The following SFI1 variants were observed in gnomAD, a reference collection of about 807,000 sequenced individuals.
The protein encoded by SFI1 is SFI1 centrin binding protein.
SFI1 carries 195 observed loss-of-function variants against 207.5 expected under a neutral mutation model. That is an observed-to-expected ratio of 0.94 (90% CI 0.84 to 1.06). SFI1 has a LOEUF of 1.06. SFI1 is among the 50% of genes least tolerant of loss of function. The pLI, the probability that SFI1 is intolerant of heterozygous loss-of-function variation, is 0.00. For synonymous variants in SFI1, 630 were observed against 598.9 expected (o/e 1.05, Z -0.76); for missense variants, 1,634 against 1,588.0 (o/e 1.03, Z -0.49).
chr22:31,614,505 C>T, intron 27 of SFI1: 2 of 625,866 alleles, frequency 3.2e-6, no homozygotes, highest in South Asian at 3.0e-5. Flanking sequence ...TCAGAGGCTG[C>T]TCCCCTGTGA....
In SFI1 at chr22:31,508,226, CTCTCTTTTTTAT is replaced by C. The variant is rs2054942947; in HGVS notation, c.-30-19_-30-8del. On this transcript the variant is annotated splice_polypyrimidine_tract_variant and intron_variant, in intron 1 of 32. Transcript: ENST00000400288. ...CTCCTGAGAGGCTGCAAATCATTTT[CTCTCTTTTTTAT>C]TCTCTTTTTCTTGTAGTTAGAAGGG... The C allele has an allele frequency of 7.6e-7, 1 of 1,323,844 alleles. No individual in the cohort carries two copies. Among genetic ancestry groups the C allele is most frequent in the Non-Finnish European group, 1.1e-6 (1 of 917,156 alleles). The allele number at this position is 1,323,844 out of a possible 1,614,324, so 82.0% of individuals were successfully genotyped here. A position where few individuals can be genotyped will look rare whatever the true frequency, so the allele number is the denominator to read the frequency against.
intron 17 of SFI1, 96 bp downstream of exon 17, chr22:31,602,881 T>A: frequency 7.5e-7 from 1 of 1,339,892 alleles, no homozygotes; most frequent in Non-Finnish European, 1.0e-6. Flanking sequence ...TCTGGAGGAC[T>A]GCATTACCCC....
At chr22:31,570,385 A>G (rs1201423121) in intron 8 of SFI1, among the ~76,000 whole-genome samples, 1 of 152,212 alleles carries the variant, frequency 6.6e-6, no homozygotes, top group Non-Finnish European at 1.5e-5. Flanking sequence ...ATTTACTGAA[A>G]TAGGAAAGAC....
At position 31,589,512 on chromosome 22, in the gene SFI1, G is replaced by T. The variant is rs200928606; in HGVS notation, c.1479G>T (p.Trp493Cys). The change falls in exon 15 of 33, where the codon TGG (tryptophan) becomes TGT (cysteine). Residue 493 changes from tryptophan to cysteine, a missense_variant. Physicochemically the swap from Trp to Cys is radical, Grantham distance 215. Coordinates refer to ENST00000400288, the MANE Select transcript of SFI1 (RefSeq NM_001007467.3). ...CCCTGCCTGCTGCCTTCCACACATG[G>T]AACAGACTCTGGCGATGGCGCCACC... Reference protein sequence around the residue: ...QRALPAAFHTWNRLWRWRHQE... With the variant: ...QRALPAAFHTCNRLWRWRHQE... 9.0e-5 allele frequency: 145 copies of T among 1,614,068 alleles called. No individual in the cohort carries two copies. Among genetic ancestry groups the T allele is most frequent in the Non-Finnish European group, 1.1e-4 (132 of 1,180,024 alleles).
chr22:31,537,685 A>T (rs1308168317), intron 4 of SFI1, among the ~76,000 whole-genome samples: 1 of 152,216 alleles, frequency 6.6e-6, no homozygotes, highest in African/African-American at 2.4e-5. Context: ...CTAAGCAGCT[A>T]CCAGAATTAG....
At chr22:31,542,438 G>A (rs985889109) in intron 4 of SFI1, among the ~76,000 whole-genome samples, 2 of 151,620 alleles carry the variant, frequency 1.3e-5, no homozygotes, top group Non-Finnish European at 2.9e-5. Flanking sequence ...GCCCAGCCTG[G>A]CCAACATGGT....
At chr22:31,532,445 G>A (rs2147435025) in intron 4 of SFI1, among the ~76,000 whole-genome samples, 1 of 152,284 alleles carries the variant, frequency 6.6e-6, no homozygotes, top group African/African-American at 2.4e-5. Context: ...CCAGTGCGAG[G>A]TATGTTTCCA....
At chr22:31,523,105 C>T (rs914553984) in intron 2 of SFI1, among the ~76,000 whole-genome samples, 3 of 152,262 alleles carry the variant, frequency 2.0e-5, no homozygotes, top group African/African-American at 7.2e-5. Context: ...TTTCTGTGGA[C>T]ATATGCTGTA....
At chr22:31,561,228 C>T in intron 7 of SFI1, 62 bp from the exon 8 acceptor site, 2 of 1,454,958 alleles carry the variant, frequency 1.4e-6, no homozygotes, top group South Asian at 1.2e-5. Context: ...ACACTAACTG[C>T]TCCTCTCTTT....
At position 31,582,202 on chromosome 22, in the gene SFI1, CATTTTATATATATA is replaced by C. The variant is rs1268419245; in HGVS notation, c.1249-1672_1249-1659del. On this transcript the variant is annotated intron_variant, in intron 12 of 32. Transcript: ENST00000400288. ...TTCCCCCAACAACACTTCTTTATTA[CATTTTATATATATA>C]TATATATATATATATATATATTTTT... Among the ~76,000 whole-genome samples the C allele has an allele frequency of 1.9e-3, 80 of 42,460 alleles. 4 individuals carry two copies. Among genetic ancestry groups the C allele is most frequent in the East Asian group, 3.1e-3 (3 of 962 alleles). The allele number at this position is 42,460 out of a possible 152,430, so 27.9% of individuals were successfully genotyped here.
At chr22:31,597,455 G>A (rs1367882170) in intron 15 of SFI1, among the ~76,000 whole-genome samples, 3 of 152,164 alleles carry the variant, frequency 2.0e-5, no homozygotes, top group Admixed American at 2.0e-4. Flanking sequence ...TTAGAAGCTG[G>A]ACAAGCCTGA....
At chr22:31,533,344 A>T (rs1384317800) in intron 4 of SFI1, among the ~76,000 whole-genome samples, 14 of 152,216 alleles carry the variant, frequency 9.2e-5, no homozygotes, top group Admixed American at 9.2e-4. Context: ...CCTGGCCAAC[A>T]TGGTGAAACT....
rs553487185 is a variant in SFI1 at position 31,497,540 on chromosome 22, G to C, written c.-31+903G>C. ...GTTCCCTGTTTCTCTCCTCCCTCTC[G>C]GTCCTCCTTGTAGCCTGAGAGGCAA... On this transcript the variant is annotated intron_variant, in intron 1 of 32. Transcript: ENST00000400288. Among the ~76,000 whole-genome samples the C allele has an allele frequency of 3.3e-5, 5 of 152,072 alleles. No individual in the cohort carries two copies. The South Asian group carries it at 8.3e-4, about 25-fold the overall frequency.
rs929949612 is a variant in SFI1 at position 31,573,923 on chromosome 22, G to C, written c.922+709G>C. ...TTTTAACAACTATTCATATTTTATA[G>C]GATGGCTTACCTTAATATACTTAGC... On this transcript the variant is annotated intron_variant, in intron 9 of 32. Coordinates refer to ENST00000400288, the MANE Select transcript of SFI1 (RefSeq NM_001007467.3). 2.6e-5 allele frequency among the ~76,000 whole-genome samples: 4 copies of C among 151,932 alleles called. No individual in the cohort carries two copies. In the East Asian group the frequency reaches 7.7e-4, roughly 29 times the overall value.
In SFI1 at chr22:31,599,419, C is replaced by G. The variant is rs111337149; in HGVS notation, c.1545-2793C>G. 4.0e-4 allele frequency among the ~76,000 whole-genome samples: 61 copies of G among 152,180 alleles called. No homozygotes were observed. The East Asian group carries it at 0.011, about 28-fold the overall frequency. The stretch of plus-strand genomic sequence containing the variant: ...TCGGCTCACTGCAATCTTCGCCTCC[C>G]AGGTTTAAGCGATTCTCCTGCCTCA... On this transcript the variant is annotated intron_variant, in intron 15 of 32. Coordinates refer to ENST00000400288, the MANE Select transcript of SFI1 (RefSeq NM_001007467.3).
Position 31,598,285 on chromosome 22 carries a change from G to A in SFI1, c.1545-3927G>A, listed in dbSNP as rs138195892. On this transcript the variant is annotated intron_variant, in intron 15 of 32. Coordinates refer to ENST00000400288, the MANE Select transcript of SFI1 (RefSeq NM_001007467.3). ...CAGGCGTGAGCCACCATGCCCGGCC[G>A]AGTTTTCATAATTTATGCACCTATA... 6.7e-5 allele frequency among the ~76,000 whole-genome samples: 10 copies of A among 149,562 alleles called. No homozygotes were observed. In the East Asian group the frequency reaches 1.8e-3, roughly 27 times the overall value.
chr22:31,537,399 C>T (rs2059096185), intron 4 of SFI1, among the ~76,000 whole-genome samples: 1 of 152,222 alleles, frequency 6.6e-6, no homozygotes, highest in African/African-American at 2.4e-5. Context: ...GTAGTGGATA[C>T]TTACGAGAAA....
intron 2 of SFI1, among the ~76,000 whole-genome samples, chr22:31,515,140 C>T (rs1291121322): frequency 6.6e-6 from 1 of 151,910 alleles, no homozygotes; most frequent in Non-Finnish European, 1.5e-5. Context: ...CTTTGATAAC[C>T]ACTGTTCTAT....
chr22:31,563,160 T>G (rs1178374469), intron 8 of SFI1, among the ~76,000 whole-genome samples: 1 of 151,720 alleles, frequency 6.6e-6, no homozygotes, highest in Non-Finnish European at 1.5e-5. Flanking sequence ...GCCTGGCTAA[T>G]TTTTTGTATT....
Sources: gnomAD v4.1 joint callset for allele counts (sites outside exome capture counted in the v4.1 genomes callset) on GRCh38, gnomAD v4.1.1 for gene constraint, MANE v1.5 for transcripts, NCBI Gene and HGNC (gene_info 2026-07-23, HGNC 2026-07-21) for gene names.